The following HSPG2 variants were observed in gnomAD, a reference collection of about 807,000 sequenced individuals.
The protein encoded by HSPG2 is basement membrane-specific heparan sulfate proteoglycan core protein.
HSPG2 carries 278 observed loss-of-function variants against 526.6 expected under a neutral mutation model. That is an observed-to-expected ratio of 0.53 (90% confidence interval 0.48 to 0.58). The LOEUF (loss-of-function observed/expected upper bound fraction) is 0.58. Ranked by LOEUF, HSPG2 falls within the 20% of genes least tolerant of loss-of-function variation. The pLI is 0.00. For missense variants in HSPG2, 5,354 were observed against 6,099.5 expected, an observed-to-expected ratio of 0.88 and a Z score of 4.07; for synonymous variants, 2,465 against 2,555.4, an observed-to-expected ratio of 0.96 and a Z score of 1.07.
At chr1:21,908,001 G>GA in intron 1 of HSPG2, 3 of 648,982 alleles carry the variant, frequency 4.6e-6, no homozygotes, top group Non-Finnish European at 8.6e-6. Flanking sequence ...GTTAAATACA[G>GA]ATGTAAAATG....
chr1:21,923,930 T>C (rs757590024), intron 1 of HSPG2, among the ~76,000 whole-genome samples: 1 of 151,616 alleles, frequency 6.6e-6, no homozygotes, highest in Non-Finnish European at 1.5e-5. Flanking sequence ...CACGTAAGAG[T>C]TTAGGAATCT....
At chr1:21,930,383 G>C (rs1027021981) in intron 1 of HSPG2, among the ~76,000 whole-genome samples, 1 of 152,154 alleles carries the variant, frequency 6.6e-6, no homozygotes, top group African/African-American at 2.4e-5. Flanking sequence ...ATCACCACCT[G>C]ATGTATTTCA....
chr1:21,879,576 T>C (rs1641343014), intron 17 of HSPG2, among the ~76,000 whole-genome samples: 1 of 152,102 alleles, frequency 6.6e-6, no homozygotes, highest in African/African-American at 2.4e-5. Context: ...TGCTTCTTCA[T>C]TTGGCACTCT....
chr1:21,869,780 A>T (rs184305820), intron 33 of HSPG2: 560 of 950,866 alleles, frequency 5.9e-4, no homozygotes, highest in Admixed American at 1.4e-3. Flanking sequence ...CTGTCTGCTC[A>T]CAAGTGCTGA....
Position 21,884,875 on chromosome 1 carries a change from G to A in HSPG2, c.1399C>T (p.Arg467Cys), listed in dbSNP as rs146861173. Residue 467 changes from arginine (R) to cysteine (C), a missense_variant, in exon 12 of 97, where the codon CGT becomes TGT. Physicochemically the swap from Arg to Cys is radical, Grantham distance 180 (BLOSUM62 -3). Coordinates refer to ENST00000374695, the MANE Select transcript of HSPG2 (RefSeq NM_005529.7). Reference protein sequence around the residue: ...SEGGRGTLIIRDVKESDQGAY... With the variant: ...SEGGRGTLIICDVKESDQGAY... ...CCCTGGTCTGACTCCTTCACATCACGGATGATCAGTGTGCCACGGCCACCC... is the reference window on the plus strand; with the variant it reads ...CCCTGGTCTGACTCCTTCACATCACAGATGATCAGTGTGCCACGGCCACCC... 13 of 1,613,980 alleles carry A rather than the reference G, an allele frequency of 8.1e-6. No homozygotes were observed. Among genetic ancestry groups the A allele is most frequent in the Admixed American group, 6.7e-5 (4 of 60,024 alleles).
In HSPG2 at chr1:21,854,829, A is replaced by G. The variant is rs36080251; in HGVS notation, c.6133+19T>C. ...CCTGGCTTGCCCTCCCCACCCCTCC[A>G]TTCCCAGAGAGTCCGTACCTGAAAG... On this transcript the variant is annotated intron_variant, in intron 48 of 96. Coordinates refer to ENST00000374695, the MANE Select transcript of HSPG2 (RefSeq NM_005529.7). 0.057 allele frequency: 91,316 copies of G among 1,613,184 alleles called. 3,084 individuals are homozygous for G. The highest frequency in any genetic ancestry group is 0.11 in the South Asian group (9,943 of 90,912).
At chr1:21,836,725 G>A in intron 75 of HSPG2, 77 bp downstream of exon 75, 1 of 1,280,080 alleles carries the variant, frequency 7.8e-7, no homozygotes, top group South Asian at 1.3e-5. Context: ...GCCCCCTGGG[G>A]CAGGTGCTTT....
chr1:21,877,816 G>A (rs1484895155), intron 21 of HSPG2, among the ~76,000 whole-genome samples: 1 of 152,120 alleles, frequency 6.6e-6, no homozygotes, highest in Non-Finnish European at 1.5e-5. Context: ...CATTCCTAAC[G>A]CAAGTGACCT....
chr1:21,919,769 C>T (rs115607393), intron 1 of HSPG2, among the ~76,000 whole-genome samples: 1,786 of 152,240 alleles, frequency 0.012, 27 homozygotes, highest in African/African-American at 0.04. Flanking sequence ...AGTTGAGGCC[C>T]GGGCTGCTAG....
chr1:21,826,145 A>G (rs1266745976), intron 91 of HSPG2, among the ~76,000 whole-genome samples: 1 of 152,020 alleles, frequency 6.6e-6, no homozygotes, highest in African/African-American at 2.4e-5. Flanking sequence ...GCAGTGACAC[A>G]ATTGTAGCTC....
At chr1:21,862,604 AG>A (rs1639882043) in intron 37 of HSPG2, among the ~76,000 whole-genome samples, 1 of 148,590 alleles carries the variant, frequency 6.7e-6, no homozygotes, top group Non-Finnish European at 1.5e-5. Flanking sequence ...AAAAGAAAAA[AG>A]CAAAAAAAGC....
chr1:21,855,152 T>C, intron 47 of HSPG2, 152 bp downstream of exon 47: 1 of 1,346,098 alleles, frequency 7.4e-7, no homozygotes, highest in Non-Finnish European at 1.0e-6. Flanking sequence ...AGGGGCTCCC[T>C]GCTGGGATGC....
chr1:21,823,863 C>A (rs531747563), intron 95 of HSPG2, 144 bp from the exon 96 acceptor site: 7 of 772,168 alleles, frequency 9.1e-6, no homozygotes, highest in Non-Finnish European at 1.5e-5. Flanking sequence ...CCCCGCTGAA[C>A]GAGAGATCGG....
Position 21,852,210 on chromosome 1 carries a change from C to G in HSPG2, c.6748G>C (p.Glu2250Gln). ...IPGPIPPVRIESSSSTVAEGQ... is the reference protein window; with the variant it reads ...IPGPIPPVRIQSSSSTVAEGQ... The stretch of plus-strand genomic sequence containing the variant: ...TCGGCCACTGTGGAGGATGAAGACT[C>G]GATCCTGACAGGTGGGATGGGTCCT... The change falls in exon 53 of 97, where the codon GAG (glutamate) becomes CAG (glutamine). Residue 2250 changes from glutamate (E) to glutamine (Q), a missense_variant. By Grantham distance (29) the Glu-to-Gln change is conservative (BLOSUM62 2). Coordinates refer to ENST00000374695, the MANE Select transcript of HSPG2 (RefSeq NM_005529.7). 2 of 1,614,102 alleles carry G rather than the reference C, an allele frequency of 1.2e-6. No homozygotes were observed. The highest frequency in any genetic ancestry group is 1.7e-6 in the Non-Finnish European group (2 of 1,180,046).
At chr1:21,845,374 A>G (rs1638347584) in intron 64 of HSPG2, among the ~76,000 whole-genome samples, 1 of 152,000 alleles carries the variant, frequency 6.6e-6, no homozygotes, top group Non-Finnish European at 1.5e-5. Flanking sequence ...AAAGATGTTT[A>G]TTTATTTATT....
intron 67 of HSPG2, 39 bp downstream of exon 67, chr1:21,842,731 T>C: frequency 1.2e-6 from 2 of 1,611,624 alleles, no homozygotes; most frequent in Non-Finnish European, 1.7e-6. Flanking sequence ...AGGTCTAACC[T>C]TGCCTGACCT....
chr1:21,860,194 C>A lies in HSPG2; in HGVS notation c.4997G>T (p.Gly1666Val). ...GYVGNPSVQGGQCLPETNQAP... is the reference protein window; with the variant it reads ...GYVGNPSVQGVQCLPETNQAP... ...CCACTTACTCTCTGGCAGGCACTGG[C>A]CCCCTTGCACACTGGGGTTACCCAC... Residue 1666 changes from glycine (G) to valine (V), a missense_variant, in exon 40 of 97, where the codon GGC (glycine) becomes GTC (valine). Transcript: ENST00000374695. 6.2e-7 allele frequency: 1 copy of A among 1,613,850 alleles called. No individual in the cohort carries two copies. Among genetic ancestry groups the A allele is most frequent in the Non-Finnish European group, 8.5e-7 (1 of 1,179,964 alleles).
intron 21 of HSPG2, among the ~76,000 whole-genome samples, chr1:21,877,124 C>G (rs1266300108): frequency 2.6e-5 from 4 of 151,768 alleles, no homozygotes; most frequent in Non-Finnish European, 4.4e-5. Flanking sequence ...TCATTGCCAT[C>G]TGAATAGTAA....
At position 21,861,887 on chromosome 1, in the gene HSPG2, T is replaced by A. The variant is rs374917749; in HGVS notation, c.4869-44A>T. 720 of 1,613,118 alleles carry A rather than the reference T, an allele frequency of 4.5e-4. 1 individual carries two copies. The highest frequency in any genetic ancestry group is 5.9e-4 in the Non-Finnish European group (694 of 1,179,362). On this transcript the variant is annotated intron_variant, in intron 38 of 96. Coordinates refer to ENST00000374695, the MANE Select transcript of HSPG2 (RefSeq NM_005529.7). ...AGGTCAGGTCATGGGAAGCCCAATC[T>A]CCATCTTGCTCCCTTCACTTCTGCC...
Sources: allele counts gnomAD v4.1 joint callset (sites outside exome capture counted in the v4.1 genomes callset), GRCh38; gene constraint gnomAD v4.1.1; transcripts MANE v1.5; gene names NCBI Gene and HGNC (gene_info 2026-07-23, HGNC 2026-07-21).